GLS: variants seen among roughly 807,000 people sequenced by gnomAD.
The protein encoded by GLS is glutaminase, also known as glutaminase kidney isoform, mitochondrial.
GLS carries 36 observed loss-of-function variants against 86.7 expected under a neutral mutation model. That is an observed-to-expected ratio of 0.42 (90% CI 0.32 to 0.55). The LOEUF (loss-of-function observed/expected upper bound fraction) is 0.55. Among genes scored for constraint, GLS ranks in the 20% least tolerant of loss-of-function variants. GLS has a pLI of 0.17. For synonymous variants in GLS, 317 were observed against 305.9 expected (o/e 1.04, Z -0.38); for missense variants, 528 against 833.4 (o/e 0.63, Z 4.51).
At chr2:190,901,725 T>TA (rs1322430238) in intron 4 of GLS, among the ~76,000 whole-genome samples, 1 of 151,970 alleles carries the variant, frequency 6.6e-6, no homozygotes, top group Non-Finnish European at 1.5e-5. Context: ...TAAGAAATAA[T>TA]AGAGACTGAG....
At chr2:190,901,788 A>T (rs1688948485) in intron 4 of GLS, among the ~76,000 whole-genome samples, 159 bp from the exon 5 acceptor site, 1 of 152,166 alleles carries the variant, frequency 6.6e-6, no homozygotes, top group African/African-American at 2.4e-5. Flanking sequence ...TTTAGTTTTC[A>T]TGAGCATTGT....
intron 14 of GLS, among the ~76,000 whole-genome samples, chr2:190,952,632 G>A (rs1052662930): frequency 2.0e-5 from 3 of 152,172 alleles, no homozygotes; most frequent in Non-Finnish European, 4.4e-5. Flanking sequence ...GGCTTTGTTG[G>A]TGGAGAGCTG....
At chr2:190,886,266 T>A (rs911442553) in intron 1 of GLS, among the ~76,000 whole-genome samples, 21 of 152,232 alleles carry the variant, frequency 1.4e-4, no homozygotes, top group African/African-American at 3.9e-4. Flanking sequence ...TGTGCATCAG[T>A]CATTGATAAC....
At position 190,914,579 on chromosome 2, in the gene GLS, T is replaced by G. The variant is rs1361232109; in HGVS notation, c.1038+4258T>G. On this transcript the variant is annotated intron_variant, in intron 7 of 17. Coordinates refer to ENST00000320717, the MANE Select transcript of GLS (RefSeq NM_014905.5). The surrounding 1 kb of genome is among the most constrained non-coding windows in gnomAD (Gnocchi z 4.4). ...GTCTTATTTTTTATTTTCCTAATAC[T>G]CTTTAGCTTTAAACCATTTTCTATC... is the stretch of plus-strand genomic sequence containing the variant. Among the ~76,000 whole-genome samples, 3 of 152,142 alleles carry G rather than the reference T, an allele frequency of 2.0e-5. No individual in the cohort carries two copies. Among genetic ancestry groups the G allele is most frequent in the Non-Finnish European group, 4.4e-5 (3 of 68,014 alleles).
chr2:190,942,972 C>T (rs1314491684), intron 14 of GLS, among the ~76,000 whole-genome samples: 1 of 151,998 alleles, frequency 6.6e-6, no homozygotes, highest in African/African-American at 2.4e-5. Context: ...CCTGTATGGC[C>T]AAAGTGGGAG....
chr2:190,960,486 T>C (rs1690972618), intron 17 of GLS, among the ~76,000 whole-genome samples: 1 of 149,154 alleles, frequency 6.7e-6, no homozygotes, highest in Non-Finnish European at 1.5e-5. Context: ...CACCTCAACC[T>C]CCTGAGTAGC....
intron 1 of GLS, among the ~76,000 whole-genome samples, chr2:190,890,800 A>AT (rs1171858532): frequency 6.6e-6 from 1 of 151,854 alleles, no homozygotes; most frequent in Non-Finnish European, 1.5e-5. Flanking sequence ...ATTAGGCCTC[A>AT]TTTTTTTTAA....
At position 190,956,505 on chromosome 2, in the gene GLS, C is replaced by G. The variant is rs1002527350; in HGVS notation, c.1853+1687C>G. Among the ~76,000 whole-genome samples the G allele has an allele frequency of 6.6e-6, 1 of 152,120 alleles. No individual in the cohort carries two copies. The highest frequency in any genetic ancestry group is 1.5e-5 in the Non-Finnish European group (1 of 68,036). On this transcript the variant is annotated intron_variant, in intron 17 of 17. Coordinates refer to ENST00000320717, the MANE Select transcript of GLS (RefSeq NM_014905.5). The surrounding 1 kb of genome is among the most constrained non-coding windows in gnomAD (Gnocchi z 4.2). Reference sequence around the variant, plus strand: ...TACCATACTGTTTTGATTACTGTAGCCTTGTAGTATAGTTTGAAGTCAGGT... The same window carrying G: ...TACCATACTGTTTTGATTACTGTAGGCTTGTAGTATAGTTTGAAGTCAGGT...
intron 7 of GLS, among the ~76,000 whole-genome samples, chr2:190,918,213 C>T (rs1689607731): frequency 6.6e-6 from 1 of 152,198 alleles, no homozygotes; most frequent in Non-Finnish European, 1.5e-5. Context: ...CAATAAAAGG[C>T]TGTTTCATCT....
rs553413112 is a variant in GLS, at chr2:190,953,539, A to C, written c.1651-26A>C. The C allele has an allele frequency of 2.0e-6, 3 of 1,523,468 alleles. No homozygotes were observed. In the African/African-American group the frequency reaches 4.1e-5, roughly 21 times the overall value. The allele number at this position is 1,523,468 out of a possible 1,614,324, so 94.4% of individuals were successfully genotyped here. A position where few individuals can be genotyped will look rare whatever the true frequency, so the allele number is the denominator to read the frequency against. On this transcript the variant is annotated intron_variant, in intron 14 of 17. Transcript: ENST00000320717. This position sits in a 1 kb window ranked among gnomAD's most constrained non-coding sequence, Gnocchi z 4.0. ...TGTATGTGTTTTCTCTCTCCTAAGGATGCCTAAACTTTCTTTTCTTCACAG... is the reference window on the plus strand; with the variant it reads ...TGTATGTGTTTTCTCTCTCCTAAGGCTGCCTAAACTTTCTTTTCTTCACAG...
chr2:190,896,400 C>G (rs1688742096), intron 3 of GLS: 1 of 151,986 alleles, frequency 6.6e-6, no homozygotes, highest in Non-Finnish European at 1.5e-5. Flanking sequence ...TAATGGATCC[C>G]AAAGAATCAA....
intron 17 of GLS, among the ~76,000 whole-genome samples, chr2:190,959,523 CTTTACAATTTTG>C (rs1175732047): frequency 6.6e-6 from 1 of 152,134 alleles, no homozygotes; most frequent in African/African-American, 2.4e-5. Flanking sequence ...TGTCAATGGT[CTTTACAATTTTG>C]TATGTTTTTG....
chr2:190,920,317 GTA>G lies in GLS; in HGVS notation c.1039-706_1039-705del. The G allele has an allele frequency of 6.6e-6, 1 of 151,816 alleles. No individual in the cohort carries two copies. The highest frequency in any genetic ancestry group is 1.5e-5 in the Non-Finnish European group (1 of 67,784). 9.4% of individuals were successfully genotyped at this position (151,816 alleles called of 1,614,324 possible). ...TAGATTTTTCCTATTGACATTTGCA[GTA>G]GATAACATGTCAGAAATGAAAGTGA... On this transcript the variant is annotated intron_variant, in intron 7 of 17. Transcript: ENST00000320717. This position sits in a 1 kb window ranked among gnomAD's most constrained non-coding sequence, Gnocchi z 4.2.
Position 190,955,606 on chromosome 2 carries a change from T to C in GLS, c.1853+788T>C, listed in dbSNP as rs996128134. Among the ~76,000 whole-genome samples, 5 of 152,234 alleles carry C rather than the reference T, an allele frequency of 3.3e-5. No individual in the cohort carries two copies. The highest frequency in any genetic ancestry group is 1.2e-4 in the African/African-American group (5 of 41,452). On this transcript the variant is annotated intron_variant, in intron 17 of 17. Transcript: ENST00000320717. This position sits in a 1 kb window ranked among gnomAD's most constrained non-coding sequence, Gnocchi z 5.6. ...ATAAACATACATGTGCATGTGTCTT[T>C]ATAGTAGAATGATTTATAATCTTTT...
intron 1 of GLS, among the ~76,000 whole-genome samples, chr2:190,885,349 G>T (rs940214515): frequency 6.6e-6 from 1 of 152,024 alleles, no homozygotes; most frequent in Non-Finnish European, 1.5e-5. Flanking sequence ...CCGCCACCAT[G>T]CGTGGCTAAT....
In GLS at chr2:190,953,771, TC is replaced by T; in HGVS notation, c.1712+147del. 1.6e-6 allele frequency: 1 copy of T among 636,538 alleles called. No individual in the cohort carries two copies. The highest frequency in any genetic ancestry group is 2.8e-6 in the Non-Finnish European group (1 of 353,524). The allele number at this position is 636,538 out of a possible 1,614,324, so 39.4% of individuals were successfully genotyped here. A position where few individuals can be genotyped will look rare whatever the true frequency, so the allele number is the denominator to read the frequency against. ...ACAAAATTTTTATTAAATAGGCACT[TC>T]CAGTGCCTTAGGCCTGCTTTCCAAT... On this transcript the variant is annotated intron_variant, in intron 15 of 17. Coordinates refer to ENST00000320717, the MANE Select transcript of GLS (RefSeq NM_014905.5). This position sits in a 1 kb window ranked among gnomAD's most constrained non-coding sequence, Gnocchi z 4.0.
At chr2:190,915,056 C>T (rs980728117) in intron 7 of GLS, among the ~76,000 whole-genome samples, 1 of 151,654 alleles carries the variant, frequency 6.6e-6, no homozygotes, top group African/African-American at 2.4e-5. Flanking sequence ...TTGCTTGTCG[C>T]CCAGGCTGGA....
chr2:190,884,021 A>G (rs979065438), intron 1 of GLS, among the ~76,000 whole-genome samples: 5 of 152,196 alleles, frequency 3.3e-5, no homozygotes, highest in Non-Finnish European at 7.3e-5. Context: ...ACATAGAAAA[A>G]TTTAATGATC....
chr2:190,904,941 C>A, intron 5 of GLS, 63 bp from the exon 6 acceptor site: 1 of 918,320 alleles, frequency 1.1e-6, no homozygotes, highest in Non-Finnish European at 1.7e-6. Flanking sequence ...AGAATAATTC[C>A]AACTATGCAG....
Sources: allele counts gnomAD v4.1 joint callset (sites outside exome capture counted in the v4.1 genomes callset), GRCh38; gene constraint gnomAD v4.1.1; non-coding constraint Gnocchi (gnomAD v3.1); transcripts MANE v1.5; gene names NCBI Gene and HGNC (gene_info 2026-07-23, HGNC 2026-07-21).